The following STK32B variants were observed in gnomAD, a reference collection of about 807,000 sequenced individuals.
The protein encoded by STK32B is serine/threonine-protein kinase 32B.
Under a neutral mutation model 52.6 loss-of-function variants are expected in STK32B, and 43 were observed. That is an observed-to-expected ratio of 0.82 (90% CI 0.64 to 1.05). The LOEUF is 1.05. STK32B is among the 50% of genes least tolerant of loss of function. The pLI, the probability that STK32B is intolerant of heterozygous loss-of-function variation, is 0.00. For missense variants in STK32B, 621 were observed against 534.6 expected (o/e 1.16, Z -1.59); for synonymous variants, 238 against 204.3 (o/e 1.17, Z -1.41).
At chr4:5,023,933 C>A in the STK32B span, among the ~76,000 whole-genome samples, 1 of 152,140 alleles carries the variant, frequency 6.6e-6, no homozygotes, top group Non-Finnish European at 1.5e-5. Flanking sequence ...CAGTTTTGAG[C>A]CTTTCCTATG....
chr4:5,316,358 ATATATAT>A (rs1730738656), intron 3 of STK32B, among the ~76,000 whole-genome samples: 1 of 37,476 alleles, frequency 2.7e-5, no homozygotes, highest in South Asian at 8.8e-4. Flanking sequence ...ATCATATATT[ATATATAT>A]TATATATATT....
rs912915359 is a variant in STK32B, at chr4:5,500,839, T to C, written c.*1756T>C. Reference sequence around the variant, plus strand: ...AAGGGGCCTGCTCCTCTCCCTACTGTGACCCTGGAGGCTCTTAAGATGATG... The same window carrying C: ...AAGGGGCCTGCTCCTCTCCCTACTGCGACCCTGGAGGCTCTTAAGATGATG... On this transcript the variant is annotated 3_prime_UTR_variant, in exon 12 of 12. Coordinates refer to ENST00000282908, the MANE Select transcript of STK32B (RefSeq NM_018401.3). The C allele has an allele frequency of 1.6e-4, 25 of 152,336 alleles. No homozygotes were observed. Among genetic ancestry groups the C allele is most frequent in the African/African-American group, 5.5e-4 (23 of 41,570 alleles). 9.4% of individuals were successfully genotyped at this position (152,336 alleles called of 1,614,324 possible).
rs1040161618 is a variant in STK32B at position 5,453,190 on chromosome 4, T to C, written c.667-3617T>C. Reference sequence around the variant, plus strand: ...TCATTGTTTTTGTAATTGGTCCGGTTGCCTCCAGAAGGAGAGAGAATTACA... The same window carrying C: ...TCATTGTTTTTGTAATTGGTCCGGTCGCCTCCAGAAGGAGAGAGAATTACA... On this transcript the variant is annotated intron_variant, in intron 7 of 11. Transcript: ENST00000282908. This position sits in a 1 kb window ranked among gnomAD's most constrained non-coding sequence, Gnocchi z 4.0. Among the ~76,000 whole-genome samples the C allele has an allele frequency of 6.6e-6, 1 of 151,290 alleles. No homozygotes were observed. Among genetic ancestry groups the C allele is most frequent in the African/African-American group, 2.4e-5 (1 of 41,186 alleles).
intron 3 of STK32B, among the ~76,000 whole-genome samples, chr4:5,265,783 T>G (rs1462643344): frequency 6.6e-6 from 1 of 152,254 alleles, no homozygotes. Context: ...TGTTGTAAAC[T>G]TTACATTTTT....
At chr4:5,096,860 T>C (rs1202677599) in intron 1 of STK32B, among the ~76,000 whole-genome samples, 1 of 152,208 alleles carries the variant, frequency 6.6e-6, no homozygotes, top group Non-Finnish European at 1.5e-5. Flanking sequence ...GTGTTGGCCA[T>C]TTTTAAAGGA....
intron 2 of STK32B, among the ~76,000 whole-genome samples, chr4:5,162,979 C>T (rs1718562273): frequency 6.6e-6 from 1 of 152,192 alleles, no homozygotes; most frequent in African/African-American, 2.4e-5. Flanking sequence ...AGAACGGAAG[C>T]CTCTTCCTAC....
chr4:5,430,717 T>G (rs1713507230), intron 6 of STK32B, among the ~76,000 whole-genome samples: 1 of 152,156 alleles, frequency 6.6e-6, no homozygotes, highest in East Asian at 1.9e-4. Flanking sequence ...GAGGAGGAGG[T>G]AGCATTGAGT....
intron 3 of STK32B, among the ~76,000 whole-genome samples, chr4:5,282,646 A>C (rs1388715393): frequency 1.3e-5 from 2 of 152,146 alleles, no homozygotes; most frequent in African/African-American, 4.8e-5. Flanking sequence ...GCATTTGGCT[A>C]CTATTGACCT....
At chr4:5,488,404 G>C (rs888010423) in intron 11 of STK32B, among the ~76,000 whole-genome samples, 8 of 152,182 alleles carry the variant, frequency 5.3e-5, no homozygotes, top group Admixed American at 2.0e-4. Flanking sequence ...ATTAAGAGCA[G>C]ATCAATATTT....
chr4:5,251,213 C>A (rs949632926), intron 3 of STK32B, among the ~76,000 whole-genome samples: 6 of 152,086 alleles, frequency 3.9e-5, no homozygotes, highest in African/African-American at 7.2e-5. Flanking sequence ...AGTCGTTAAT[C>A]CATCTTGTGT....
intron 5 of STK32B, among the ~76,000 whole-genome samples, chr4:5,410,065 GAA>G (rs900950387): frequency 1.3e-5 from 2 of 152,136 alleles, no homozygotes; most frequent in African/African-American, 4.8e-5. Context: ...TAAATGAGAA[GAA>G]AAGAATAGTT....
At chr4:5,382,349 C>T (rs1405933677) in intron 4 of STK32B, among the ~76,000 whole-genome samples, 1 of 152,082 alleles carries the variant, frequency 6.6e-6, no homozygotes, top group Non-Finnish European at 1.5e-5. Flanking sequence ...TATCCTACAC[C>T]ACAGAAAACT....
intron 3 of STK32B, among the ~76,000 whole-genome samples, chr4:5,311,795 A>T (rs1017160822): frequency 2.6e-5 from 4 of 152,088 alleles, no homozygotes; most frequent in African/African-American, 9.7e-5. Flanking sequence ...TCTGAAAATT[A>T]AATCAGGCTC....
intron 1 of STK32B, among the ~76,000 whole-genome samples, chr4:5,112,755 C>G (rs1043693024): frequency 2.0e-5 from 3 of 152,086 alleles, no homozygotes; most frequent in South Asian, 2.1e-4. Flanking sequence ...AAAATCTAAG[C>G]TGAGATTGGA....
intron 3 of STK32B, among the ~76,000 whole-genome samples, chr4:5,275,708 G>A (rs1727768834): frequency 6.6e-6 from 1 of 151,954 alleles, no homozygotes; most frequent in African/African-American, 2.4e-5. Flanking sequence ...GGAATGAATT[G>A]GGATTGAAGG....
In STK32B at chr4:5,168,388, G is replaced by C. The variant is rs368969133; in HGVS notation, c.198G>C (p.Arg66=). The part of the protein sequence containing the change: ...KQKCIERDEV[R]NVFRELQIMQ... ...AGTGCATCGAGAGGGATGAGGTTCG[G>C]AATGTTTTCCGGGAGCTGCAGATCA... is the stretch of plus-strand genomic sequence containing the variant. The change falls in exon 3 of 12, where the codon CGG becomes CGC. Residue 66 remains arginine, a synonymous_variant. Transcript: ENST00000282908. 3.7e-6 allele frequency: 6 copies of C among 1,613,808 alleles called. No individual in the cohort carries two copies. The highest frequency in any genetic ancestry group is 1.7e-5 in the Admixed American group (1 of 59,988).
chr4:5,104,827 T>C (rs1714010370), intron 1 of STK32B, among the ~76,000 whole-genome samples: 1 of 152,244 alleles, frequency 6.6e-6, no homozygotes, highest in Non-Finnish European at 1.5e-5. Flanking sequence ...GTAATGTTCA[T>C]GCATGTTGCA....
intron 3 of STK32B, among the ~76,000 whole-genome samples, chr4:5,250,564 C>T (rs181281485): frequency 3.3e-5 from 5 of 152,078 alleles, no homozygotes; most frequent in African/African-American, 4.8e-5. Context: ...CCACCCGCCT[C>T]GGCCTCCCAA....
intron 3 of STK32B, among the ~76,000 whole-genome samples, chr4:5,202,702 C>T (rs956495745): frequency 6.6e-6 from 1 of 152,234 alleles, no homozygotes; most frequent in Non-Finnish European, 1.5e-5. Context: ...GGCCCAATGC[C>T]ACATATAAGC....
Sources: gnomAD v4.1 joint callset for allele counts (sites outside exome capture counted in the v4.1 genomes callset) on GRCh38, gnomAD v4.1.1 for gene constraint, Gnocchi (gnomAD v3.1) non-coding constraint, MANE v1.5 for transcripts, NCBI Gene and HGNC (gene_info 2026-07-23, HGNC 2026-07-21) for gene names.